TENM1: variants seen among roughly 807,000 people sequenced by gnomAD.
The protein encoded by TENM1 is teneurin-1.
Under a neutral mutation model 174.8 loss-of-function variants are expected in TENM1, and 35 were observed. That is an observed-to-expected ratio of 0.20 (90% CI 0.15 to 0.27). The LOEUF (loss-of-function observed/expected upper bound fraction) is 0.27. TENM1 is among the 10% of genes least tolerant of loss of function. TENM1 has a pLI of 1.00. For missense variants in TENM1, 1,633 were observed against 2,130.1 expected (o/e 0.77, Z 4.59); for synonymous variants, 781 against 798.7 (o/e 0.98, Z 0.37).
At chrX:125,179,415 A>C in the TENM1 span, among the ~76,000 whole-genome samples, 3 of 107,163 alleles carry the variant, frequency 2.8e-5, no homozygotes, top group African/African-American at 1.0e-4. Flanking sequence ...GAATTTCAAG[A>C]CCAGCCTGGG....
chrX:125,161,859 TC>T, the TENM1 span, among the ~76,000 whole-genome samples: 1 of 112,095 alleles, frequency 8.9e-6, no homozygotes, highest in African/African-American at 3.2e-5. Context: ...CAGACCCAGG[TC>T]CCAGCTAAAG....
At chrX:124,782,777 C>T (rs1288570959) in intron 3 of TENM1, among the ~76,000 whole-genome samples, 1 of 110,849 alleles carries the variant, frequency 9.0e-6, no homozygotes, top group African/African-American at 3.3e-5. Context: ...GCATCCTATT[C>T]ATCCTTATAA....
chrX:124,520,661 T>C (rs1264910501), exon 18 of TENM1: 2 of 1,211,231 alleles, frequency 1.7e-6, no homozygotes, highest in Admixed American at 4.4e-5. Context: ...ACTTTTATCA[T>C]GCCTACAGGA....
In TENM1 at chrX:124,553,642, A is replaced by C. The variant is rs758091526; in HGVS notation, c.2435-6552T>G. Among the ~76,000 whole-genome samples, 27 of 109,939 alleles carry C rather than the reference A, an allele frequency of 2.5e-4. No homozygotes were observed. In the East Asian group the frequency reaches 5.1e-3, roughly 21 times the overall value. On this transcript the variant is annotated intron_variant, in intron 14 of 31. Coordinates refer to ENST00000422452, the Ensembl canonical transcript of TENM1. ...TGCCTTTAAAAAAAAAAAAAAAAAAAAACAAATTTTCTTCATCACATTTAC... is the reference window on the plus strand; with the variant it reads ...TGCCTTTAAAAAAAAAAAAAAAAAACAACAAATTTTCTTCATCACATTTAC...
At chrX:125,177,980 G>C in the TENM1 span, among the ~76,000 whole-genome samples, 2 of 111,603 alleles carry the variant, frequency 1.8e-5, no homozygotes, top group South Asian at 7.4e-4. Context: ...GGAAAGATCG[G>C]AGCTAAATGT....
intron 3 of TENM1, among the ~76,000 whole-genome samples, chrX:124,861,891 C>G (rs1436670382): frequency 1.8e-5 from 2 of 111,702 alleles, no homozygotes; most frequent in Non-Finnish European, 3.8e-5. Context: ...GTATAAAGTT[C>G]TTCTACAACA....
rs149570543 is a variant in TENM1 at position 124,821,214 on chromosome X, T to A, written c.535+73082A>T. 2.3e-3 allele frequency among the ~76,000 whole-genome samples: 260 copies of A among 112,250 alleles called. 1 individual carries two copies. The highest frequency in any genetic ancestry group is 7.9e-3 in the African/African-American group (245 of 30,960). On this transcript the variant is annotated intron_variant, in intron 3 of 31. Coordinates refer to ENST00000422452, the Ensembl canonical transcript of TENM1. ...AATTAGCATTGCAATTAAGATTCCA[T>A]AAGACAGGTGATCACTACAGAGAGG...
the TENM1 span, among the ~76,000 whole-genome samples, chrX:125,007,957 G>A: frequency 6.3e-5 from 7 of 111,725 alleles, no homozygotes; most frequent in African/African-American, 2.3e-4. Context: ...ATGATGTTGT[G>A]AAGAAACTGC....
At chrX:124,471,374 TATA>T (rs2061319391) in intron 22 of TENM1, among the ~76,000 whole-genome samples, 1 of 28,159 alleles carries the variant, frequency 3.6e-5, no homozygotes, top group African/African-American at 1.6e-4. Flanking sequence ...TACTATATAT[TATA>T]ATATATAGTA....
At chrX:124,768,827 A>G (rs917780025) in intron 3 of TENM1, among the ~76,000 whole-genome samples, 3 of 112,642 alleles carry the variant, frequency 2.7e-5, no homozygotes, top group African/African-American at 9.6e-5. Flanking sequence ...ATCCATTCAC[A>G]TATTCAGTAT....
At chrX:124,505,254 A>C (rs1477842621) in intron 18 of TENM1, among the ~76,000 whole-genome samples, 1 of 112,380 alleles carries the variant, frequency 8.9e-6, no homozygotes, top group Non-Finnish European at 1.9e-5. Context: ...TCAGCTGGTA[A>C]AGACTCATGA....
At chrX:125,019,245 T>C in the TENM1 span, among the ~76,000 whole-genome samples, 8 of 111,499 alleles carry the variant, frequency 7.2e-5, no homozygotes, top group Non-Finnish European at 1.3e-4. Flanking sequence ...TATGACTAAT[T>C]TTCTTTTCAA....
intron 3 of TENM1, among the ~76,000 whole-genome samples, chrX:124,838,244 T>C (rs766222024): frequency 6.2e-5 from 7 of 112,575 alleles, no homozygotes; most frequent in Non-Finnish European, 1.3e-4. Flanking sequence ...AATGCAGTGA[T>C]ATTTTTAGAA....
intron 3 of TENM1, among the ~76,000 whole-genome samples, chrX:124,770,278 CT>C (rs1024664402): frequency 5.4e-5 from 6 of 111,739 alleles, no homozygotes; most frequent in Admixed American, 9.6e-5. Context: ...CCTCCACCCC[CT>C]GTAACCATTT....
At chrX:125,059,797 G>A in the TENM1 span, among the ~76,000 whole-genome samples, 26 of 111,441 alleles carry the variant, frequency 2.3e-4, no homozygotes, top group Non-Finnish European at 3.6e-4. Flanking sequence ...GAAAAAGAAT[G>A]AGATATTGCC....
chrX:124,779,656 T>C (rs1168566878), intron 3 of TENM1, among the ~76,000 whole-genome samples: 1 of 111,798 alleles, frequency 8.9e-6, no homozygotes, highest in Non-Finnish European at 1.9e-5. Context: ...AAAACTGTTA[T>C]ATGCAGAGGG....
At chrX:124,600,556 A>T (rs1469732573) in intron 11 of TENM1, among the ~76,000 whole-genome samples, 2 of 111,456 alleles carry the variant, frequency 1.8e-5, no homozygotes, top group African/African-American at 6.5e-5. Flanking sequence ...GGAAGATACC[A>T]TATTAATTAA....
At chrX:125,161,059 A>C in the TENM1 span, among the ~76,000 whole-genome samples, 3 of 107,105 alleles carry the variant, frequency 2.8e-5, no homozygotes, top group South Asian at 1.2e-3. Flanking sequence ...AAAAAAAAAA[A>C]AACAAAACCC....
At chrX:124,894,485 A>G (rs1401293137) in intron 2 of TENM1, 133 bp from the exon 6 acceptor site, 1 of 450,943 alleles carries the variant, frequency 2.2e-6, no homozygotes, top group Non-Finnish European at 3.9e-6. Flanking sequence ...CACATATGTA[A>G]TATTCATCCT....
Sources: gnomAD v4.1 joint callset for allele counts (sites outside exome capture counted in the v4.1 genomes callset) on GRCh38, gnomAD v4.1.1 for gene constraint, MANE v1.5 for transcripts, NCBI Gene and HGNC (gene_info 2026-07-23, HGNC 2026-07-21) for gene names.